BMPR1B: variants seen among roughly 807,000 people sequenced by gnomAD.
BMPR1B encodes the protein bone morphogenetic protein receptor type-1B.
Under a neutral mutation model 59.1 loss-of-function variants are expected in BMPR1B, and 12 were observed. That is an observed-to-expected ratio of 0.20 (90% confidence interval 0.13 to 0.33). The LOEUF is 0.33. BMPR1B is among the 10% of genes least tolerant of loss of function. The pLI is 1.00. For synonymous variants in BMPR1B, 237 were observed against 207.3 expected, an observed-to-expected ratio of 1.14 and a Z score of -1.23; for missense variants, 550 against 610.9, an observed-to-expected ratio of 0.90 and a Z score of 1.05.
intron 3 of BMPR1B, among the ~76,000 whole-genome samples, chr4:95,048,670 G>A (rs1158444505): frequency 1.3e-5 from 2 of 152,134 alleles, no homozygotes; most frequent in African/African-American, 4.8e-5. Context: ...TTGTGGAATT[G>A]TGAAACCAGT....
intron 4 of BMPR1B, among the ~76,000 whole-genome samples, chr4:95,108,902 C>T (rs1456288727): frequency 3.3e-5 from 5 of 152,030 alleles, no homozygotes; most frequent in Non-Finnish European, 7.4e-5. Context: ...CACTGCATAC[C>T]TTGAGTGCTA....
intron 2 of BMPR1B, among the ~76,000 whole-genome samples, chr4:94,890,290 C>T (rs574135234): frequency 2.0e-5 from 3 of 151,952 alleles, no homozygotes; most frequent in Non-Finnish European, 4.4e-5. Context: ...CATGTCTGCA[C>T]TTATTGCTAA....
chr4:94,883,588 A>G (rs1727061990), intron 2 of BMPR1B, among the ~76,000 whole-genome samples: 1 of 151,788 alleles, frequency 6.6e-6, no homozygotes, highest in African/African-American at 2.4e-5. Flanking sequence ...AAGAGAATGT[A>G]TTTTATAATT....
At chr4:95,136,350 G>C (rs1049182746) in intron 10 of BMPR1B, among the ~76,000 whole-genome samples, 1 of 152,134 alleles carries the variant, frequency 6.6e-6, no homozygotes, top group African/African-American at 2.4e-5. Context: ...TGTTCATCAG[G>C]GATATTGGGT....
chr4:94,860,392 C>T (rs144829672), intron 1 of BMPR1B, among the ~76,000 whole-genome samples: 6 of 152,210 alleles, frequency 3.9e-5, no homozygotes, highest in East Asian at 1.9e-4. Flanking sequence ...ATCATGTATA[C>T]GTAATCTTAC....
intron 2 of BMPR1B, among the ~76,000 whole-genome samples, chr4:94,933,988 A>G (rs1204409164): frequency 6.6e-6 from 1 of 152,150 alleles, no homozygotes; most frequent in Non-Finnish European, 1.5e-5. Flanking sequence ...ATTTCCAACT[A>G]TGTATGGTAT....
intron 1 of BMPR1B, among the ~76,000 whole-genome samples, chr4:94,853,774 C>T (rs138221133): frequency 6.6e-6 from 1 of 152,202 alleles, no homozygotes; most frequent in African/African-American, 2.4e-5. Context: ...ACTGCAAAAG[C>T]ACTAAACCTG....
At chr4:95,106,813 T>A (rs758990440) in intron 4 of BMPR1B, among the ~76,000 whole-genome samples, 1 of 151,982 alleles carries the variant, frequency 6.6e-6, no homozygotes, top group Non-Finnish European at 1.5e-5. Context: ...TAAAAACACT[T>A]ATTTTTCATT....
chr4:94,995,439 A>G (rs1560585678), intron 2 of BMPR1B, among the ~76,000 whole-genome samples: 1 of 152,208 alleles, frequency 6.6e-6, no homozygotes, highest in South Asian at 2.1e-4. Flanking sequence ...ATTGAGAAGC[A>G]ATATTAAAAA....
At chr4:95,044,254 T>G (rs1365543781) in intron 3 of BMPR1B, among the ~76,000 whole-genome samples, 2 of 152,202 alleles carry the variant, frequency 1.3e-5, no homozygotes, top group Non-Finnish European at 2.9e-5. Context: ...ATAACAATGG[T>G]CTCCCCAAAT....
At chr4:95,138,527 A>G (rs1442341642) in intron 10 of BMPR1B, among the ~76,000 whole-genome samples, 1 of 151,762 alleles carries the variant, frequency 6.6e-6, no homozygotes, top group Non-Finnish European at 1.5e-5. Context: ...CATTCTCCCC[A>G]TCACTTTCAG....
intron 2 of BMPR1B, among the ~76,000 whole-genome samples, chr4:94,909,805 C>G (rs898747336): frequency 6.6e-6 from 1 of 152,040 alleles, no homozygotes; most frequent in African/African-American, 2.4e-5. Context: ...AACCACTGCA[C>G]GGATGAATGG....
chr4:94,941,834 T>A (rs1480915396), intron 2 of BMPR1B, among the ~76,000 whole-genome samples: 2 of 152,172 alleles, frequency 1.3e-5, no homozygotes, highest in African/African-American at 4.8e-5. Context: ...GCAGTGAAAG[T>A]TATGTGCAAA....
At chr4:94,767,837 T>C (rs1023849411) in intron 1 of BMPR1B, among the ~76,000 whole-genome samples, 11 of 152,108 alleles carry the variant, frequency 7.2e-5, no homozygotes, top group African/African-American at 2.2e-4. Context: ...TGCTCCATAA[T>C]TATGCATATT....
chr4:94,767,479 G>C (rs1722013746), intron 1 of BMPR1B, among the ~76,000 whole-genome samples: 1 of 152,150 alleles, frequency 6.6e-6, no homozygotes, highest in Non-Finnish European at 1.5e-5. Flanking sequence ...TAGAATAAAT[G>C]TGTCAGTAAG....
intron 2 of BMPR1B, among the ~76,000 whole-genome samples, chr4:94,933,437 G>T (rs201006928): frequency 1.3e-5 from 2 of 152,098 alleles, no homozygotes; most frequent in East Asian, 3.9e-4. Context: ...TCTAAGAAAT[G>T]TAGTTATGTT....
intron 1 of BMPR1B, among the ~76,000 whole-genome samples, chr4:94,764,708 T>C (rs544127107): frequency 1.4e-4 from 22 of 152,302 alleles, no homozygotes; most frequent in African/African-American, 5.3e-4. Context: ...TAAATTCTTA[T>C]ATAAATACTG....
At chr4:95,147,148 C>T (rs1042735599) in intron 10 of BMPR1B, among the ~76,000 whole-genome samples, 1 of 151,944 alleles carries the variant, frequency 6.6e-6, no homozygotes, top group Non-Finnish European at 1.5e-5. Context: ...ACCTAGAAAA[C>T]CACGAGGGGC....
intron 2 of BMPR1B, among the ~76,000 whole-genome samples, chr4:94,934,057 A>T (rs1461952833): frequency 6.6e-6 from 1 of 152,114 alleles, no homozygotes; most frequent in Non-Finnish European, 1.5e-5. Flanking sequence ...AATAACTGAT[A>T]GTCTCTTTCT....
Sources: gnomAD v4.1 joint callset for allele counts (sites outside exome capture counted in the v4.1 genomes callset) on GRCh38, gnomAD v4.1.1 for gene constraint, MANE v1.5 for transcripts, NCBI Gene and HGNC (gene_info 2026-07-23, HGNC 2026-07-21) for gene names.